The following TINAG variants were observed in gnomAD, a reference collection of about 807,000 sequenced individuals.
TINAG encodes the protein tubulointerstitial nephritis antigen.
In TINAG, 83 loss-of-function variants were observed where a neutral mutation model predicts 72.7. The observed-to-expected ratio is 1.14, with a 90% CI of 0.96 to 1.37. The LOEUF (loss-of-function observed/expected upper bound fraction) is 1.37, where lower values mean the gene tolerates loss of function less well. Among genes scored for constraint, TINAG ranks in the 40% most tolerant of loss-of-function variants. TINAG has a pLI of 0.00. For missense variants in TINAG, 685 were observed against 576.6 expected, an observed-to-expected ratio of 1.19 and a Z score of -1.93; for synonymous variants, 234 against 189.9, an observed-to-expected ratio of 1.23 and a Z score of -1.91.
chr6:54,351,466 G>A, intron 8 of TINAG, 69 bp downstream of exon 8: 1 of 1,421,998 alleles, frequency 7.0e-7, no homozygotes, highest in South Asian at 1.3e-5. Flanking sequence ...TTGAGCTCAT[G>A]TAATAGGAGT....
chr6:54,348,414 CTGACTAAAT>C (rs569755741), intron 6 of TINAG, among the ~76,000 whole-genome samples: 20 of 152,100 alleles, frequency 1.3e-4, no homozygotes, highest in Admixed American at 2.6e-4. Context: ...TTATTGAGAC[CTGACTAAAT>C]CTCATTGTAT....
chr6:54,337,293 C>T (rs1481256721), intron 4 of TINAG, among the ~76,000 whole-genome samples: 1 of 141,024 alleles, frequency 7.1e-6, no homozygotes, highest in Non-Finnish European at 1.5e-5. Context: ...TGCTCTGTTG[C>T]CCACACTGGA....
At position 54,342,044 on chromosome 6, in the gene TINAG, A is replaced by T. The variant is rs140010361; in HGVS notation, c.625-1182A>T. Reference sequence around the variant, plus strand: ...TAAAACACTTTCAAAACTTGAAAGAATGCTCAGAAATGATTGGGGTGTGTG... The same window carrying T: ...TAAAACACTTTCAAAACTTGAAAGATTGCTCAGAAATGATTGGGGTGTGTG... On this transcript the variant is annotated intron_variant, in intron 4 of 10. Coordinates refer to ENST00000259782, the MANE Select transcript of TINAG (RefSeq NM_014464.4). 2.4e-3 allele frequency among the ~76,000 whole-genome samples: 358 copies of T among 151,634 alleles called. 7 individuals are homozygous for T. In the East Asian group the frequency reaches 0.028, roughly 12 times the overall value.
chr6:54,382,078 C>T (rs1051387946), intron 10 of TINAG, among the ~76,000 whole-genome samples: 5 of 152,070 alleles, frequency 3.3e-5, no homozygotes, highest in African/African-American at 1.2e-4. Flanking sequence ...CATACATGCA[C>T]ACTATCCCTT....
At chr6:54,353,590 A>C (rs549020125) in intron 8 of TINAG, among the ~76,000 whole-genome samples, 1 of 151,998 alleles carries the variant, frequency 6.6e-6, no homozygotes, top group South Asian at 2.1e-4. Flanking sequence ...AAGAAGTTTT[A>C]ACCTCTTTTG....
intron 4 of TINAG, among the ~76,000 whole-genome samples, chr6:54,341,678 AT>A (rs1020837656): frequency 5.9e-5 from 9 of 151,484 alleles, no homozygotes; most frequent in Middle Eastern, 3.4e-3. Flanking sequence ...ATCAGAAGTA[AT>A]TTTTTTTTGC....
intron 9 of TINAG, among the ~76,000 whole-genome samples, chr6:54,376,049 A>C (rs578033397): frequency 6.6e-6 from 1 of 152,284 alleles, no homozygotes; most frequent in South Asian, 2.1e-4. Flanking sequence ...GAATAGGCAG[A>C]GATGAGGTTT....
At chr6:54,385,231 T>C (rs1764065265) in intron 10 of TINAG, among the ~76,000 whole-genome samples, 1 of 151,764 alleles carries the variant, frequency 6.6e-6, no homozygotes, top group Admixed American at 6.6e-5. Context: ...GAGTTGATGC[T>C]TTGCAAAAAA....
intron 9 of TINAG, among the ~76,000 whole-genome samples, chr6:54,379,781 CT>C (rs966072367): frequency 2.2e-4 from 33 of 149,974 alleles, no homozygotes; most frequent in Non-Finnish European, 3.1e-4. Context: ...TTTTATTTTT[CT>C]TTTTTTTTAA....
chr6:54,364,350 G>T (rs1763340667), intron 9 of TINAG, among the ~76,000 whole-genome samples: 1 of 151,424 alleles, frequency 6.6e-6, no homozygotes, highest in African/African-American at 2.4e-5. Context: ...TTTAGGATAT[G>T]CATAACACAT....
intron 9 of TINAG, among the ~76,000 whole-genome samples, chr6:54,355,811 G>A (rs1421187060): frequency 6.7e-6 from 1 of 150,252 alleles, no homozygotes; most frequent in African/African-American, 2.4e-5. Flanking sequence ...TATTTTTAAT[G>A]AATCTCCTAG....
chr6:54,382,878 T>C (rs1763992244), intron 10 of TINAG, among the ~76,000 whole-genome samples: 1 of 152,132 alleles, frequency 6.6e-6, no homozygotes, highest in South Asian at 2.1e-4. Flanking sequence ...AATCTTTCAT[T>C]CCATTATGAT....
chr6:54,348,640 C>T (rs554580882), intron 6 of TINAG, among the ~76,000 whole-genome samples: 43 of 152,090 alleles, frequency 2.8e-4, no homozygotes, highest in Middle Eastern at 6.8e-3. Flanking sequence ...GGGCACTAAT[C>T]GTATCTATTA....
chr6:54,347,619 A>AT, intron 6 of TINAG, 102 bp downstream of exon 6: 1 of 1,185,986 alleles, frequency 8.4e-7, no homozygotes, highest in Non-Finnish European at 1.2e-6. Flanking sequence ...AGTACTTAAA[A>AT]ATATATATAC....
chr6:54,389,359 T>C (rs1435375651), intron 10 of TINAG, among the ~76,000 whole-genome samples: 2 of 152,192 alleles, frequency 1.3e-5, no homozygotes, highest in African/African-American at 4.8e-5. Context: ...TCTGTACTTA[T>C]TTTCACCTTA....
intron 10 of TINAG, among the ~76,000 whole-genome samples, chr6:54,384,216 T>C (rs1490537889): frequency 6.6e-6 from 1 of 151,880 alleles, no homozygotes; most frequent in East Asian, 1.9e-4. Flanking sequence ...GGTGGGGGGC[T>C]AGGAGAGGGA....
At chr6:54,326,203 T>A (rs1050468408) in intron 3 of TINAG, among the ~76,000 whole-genome samples, 1 of 151,940 alleles carries the variant, frequency 6.6e-6, no homozygotes, top group African/African-American at 2.4e-5. Flanking sequence ...CACTTTCACA[T>A]CAACTGATTT....
intron 6 of TINAG, among the ~76,000 whole-genome samples, chr6:54,348,398 A>G (rs9474816): frequency 6.6e-6 from 1 of 152,102 alleles, no homozygotes; most frequent in East Asian, 1.9e-4. Flanking sequence ...TTAAAAATGT[A>G]AATTATTATT....
intron 1 of TINAG, among the ~76,000 whole-genome samples, chr6:54,310,950 T>A (rs1206244524): frequency 6.6e-6 from 1 of 151,106 alleles, no homozygotes; most frequent in African/African-American, 2.4e-5. Flanking sequence ...TTTTTCTCTC[T>A]CTTTCTCTTC....
Sources: gnomAD v4.1 joint callset for allele counts (sites outside exome capture counted in the v4.1 genomes callset) on GRCh38, gnomAD v4.1.1 for gene constraint, MANE v1.5 for transcripts, NCBI Gene and HGNC (gene_info 2026-07-23, HGNC 2026-07-21) for gene names.